KAZN: variants seen among roughly 807,000 people sequenced by gnomAD.
KAZN encodes the protein kazrin.
A neutral mutation model predicts 87.4 loss-of-function variants in KAZN; 40 were observed. That is an observed-to-expected ratio of 0.46 (90% CI 0.36 to 0.60). KAZN has a LOEUF of 0.60. Ranked by LOEUF, KAZN falls within the 20% of genes least tolerant of loss-of-function variation. The probability of loss-of-function intolerance (pLI) is 0.00; values close to 1 mark genes in which losing one functional copy is unlikely to be tolerated. For missense variants in KAZN, 898 were observed against 1,073.9 expected, an observed-to-expected ratio of 0.84 and a Z score of 2.29; for synonymous variants, 466 against 458.3, an observed-to-expected ratio of 1.02 and a Z score of -0.22.
intron 1 of KAZN, among the ~76,000 whole-genome samples, chr1:14,884,722 C>T (rs1653845483): frequency 6.6e-6 from 1 of 152,208 alleles, no homozygotes; most frequent in South Asian, 2.1e-4. Flanking sequence ...GGGATTCTGC[C>T]TTGCTAGCAA....
chr1:14,292,925 A>G (rs758173503), intron 2 of KAZN, among the ~76,000 whole-genome samples: 13 of 152,338 alleles, frequency 8.5e-5, no homozygotes, highest in South Asian at 2.1e-4. Context: ...GAGGAATACC[A>G]CAGGCATGTA....
rs28626490 is a variant in KAZN, at chr1:15,041,347, G to C, written c.556-2642G>C. The stretch of plus-strand genomic sequence containing the variant: ...ATTTTTTTTCTTTTTTTTTTTTTTT[G>C]TTTTTTTGAGATGGAGTTTTGCTCT... On this transcript the variant is annotated intron_variant, in intron 3 of 14. Transcript: ENST00000376030. 1.7e-4 allele frequency among the ~76,000 whole-genome samples: 11 copies of C among 63,464 alleles called. No homozygotes were observed. The Admixed American group carries it at 1.9e-3, about 11-fold the overall frequency. 41.6% of individuals were successfully genotyped at this position (63,464 alleles called of 152,430 possible).
intron 2 of KAZN, among the ~76,000 whole-genome samples, chr1:14,241,583 T>A (rs186991070): frequency 1.3e-5 from 2 of 152,366 alleles, no homozygotes; most frequent in Non-Finnish European, 2.9e-5. Context: ...GCACACCTAC[T>A]GTGAGCCAGC....
At chr1:14,772,892 A>T (rs931394963) in intron 1 of KAZN, among the ~76,000 whole-genome samples, 1 of 152,074 alleles carries the variant, frequency 6.6e-6, no homozygotes, top group African/African-American at 2.4e-5. Context: ...CCACTGGGGC[A>T]CACCACATTG....
intron 1 of KAZN, among the ~76,000 whole-genome samples, chr1:14,863,396 T>C (rs988270014): frequency 1.6e-4 from 24 of 152,296 alleles, no homozygotes; most frequent in Middle Eastern, 3.4e-3. Flanking sequence ...GGGGGATGAA[T>C]GTGATTGAAC....
intron 1 of KAZN, among the ~76,000 whole-genome samples, chr1:13,901,858 G>A (rs992323219): frequency 6.6e-6 from 1 of 152,266 alleles, no homozygotes; most frequent in South Asian, 2.1e-4. Context: ...GTACGATGAA[G>A]TATGCACTAG....
chr1:14,916,386 T>G (rs1044964220), intron 1 of KAZN, among the ~76,000 whole-genome samples: 1 of 152,086 alleles, frequency 6.6e-6, no homozygotes, highest in African/African-American at 2.4e-5. Context: ...GCCAGGCTGA[T>G]CTTGACCTCG....
At chr1:14,556,806 T>C (rs1673909489) in intron 2 of KAZN, among the ~76,000 whole-genome samples, 1 of 152,224 alleles carries the variant, frequency 6.6e-6, no homozygotes, top group Non-Finnish European at 1.5e-5. Context: ...ATGGCCCGTT[T>C]GGCTCTGACA....
At chr1:14,616,329 C>G (rs996472250) in intron 1 of KAZN, among the ~76,000 whole-genome samples, 1 of 152,146 alleles carries the variant, frequency 6.6e-6, no homozygotes, top group Non-Finnish European at 1.5e-5. Context: ...CCCAGCAGAA[C>G]CTTTGTGTGC....
intron 1 of KAZN, among the ~76,000 whole-genome samples, chr1:14,801,224 G>A (rs1646006393): frequency 6.6e-6 from 1 of 152,064 alleles, no homozygotes; most frequent in Admixed American, 6.6e-5. Flanking sequence ...CAGCATCATC[G>A]TGGCTTTCTC....
intron 1 of KAZN, among the ~76,000 whole-genome samples, chr1:14,815,172 A>G (rs1377508492): frequency 1.3e-5 from 2 of 152,208 alleles, no homozygotes; most frequent in Non-Finnish European, 2.9e-5. Context: ...ATCAGGGTCT[A>G]TGTGGGTCAC....
intron 1 of KAZN, among the ~76,000 whole-genome samples, chr1:13,961,369 G>A (rs1641746515): frequency 6.6e-6 from 1 of 152,172 alleles, no homozygotes; most frequent in Non-Finnish European, 1.5e-5. Context: ...CTAGTGAGGA[G>A]AGACAGACCA....
chr1:14,120,402 A>C (rs1374061559), intron 1 of KAZN, among the ~76,000 whole-genome samples: 2 of 151,820 alleles, frequency 1.3e-5, no homozygotes, highest in Non-Finnish European at 2.9e-5. Context: ...CGATCAAATC[A>C]CCTCCCACCA....
intron 1 of KAZN, among the ~76,000 whole-genome samples, chr1:14,063,956 G>A (rs776903119): frequency 9.8e-6 from 1 of 102,280 alleles, no homozygotes; most frequent in Non-Finnish European, 2.0e-5. Flanking sequence ...CCTCTCTCTC[G>A]CCCAGGCTCG....
At position 14,257,822 on chromosome 1, in the gene KAZN, T is replaced by C. The variant is rs539179337; in HGVS notation, c.249+77230T>C. Among the ~76,000 whole-genome samples, 369 of 137,460 alleles carry C rather than the reference T, an allele frequency of 2.7e-3. 2 individuals are homozygous for C. Among genetic ancestry groups the C allele is most frequent in the African/African-American group, 8.1e-3 (300 of 36,908 alleles). 90.2% of individuals were successfully genotyped at this position (137,460 alleles called of 152,430 possible). On this transcript the variant is annotated intron_variant, in intron 2 of 16. Coordinates refer to the KAZN transcript ENST00000636203. ...GTCGGGGGAGGGGGGAGGGATAGCA[T>C]TGGGAGATATACCTAATGCTAGATG...
intron 2 of KAZN, among the ~76,000 whole-genome samples, chr1:14,454,195 G>C (rs1163810814): frequency 6.6e-6 from 1 of 152,204 alleles, no homozygotes; most frequent in African/African-American, 2.4e-5. Context: ...GGCATGGAAA[G>C]AGAGGGGTTT....
intron 2 of KAZN, among the ~76,000 whole-genome samples, chr1:14,245,782 A>T (rs1221214136): frequency 6.6e-6 from 1 of 152,200 alleles, no homozygotes; most frequent in Non-Finnish European, 1.5e-5. Flanking sequence ...TTGATAGATT[A>T]AAAAATATGG....
intron 2 of KAZN, among the ~76,000 whole-genome samples, chr1:14,240,026 G>A (rs1381564461): frequency 2.6e-5 from 4 of 152,126 alleles, no homozygotes; most frequent in East Asian, 1.9e-4. Flanking sequence ...GGATGTCTAC[G>A]GAGATTTGGG....
intron 1 of KAZN, among the ~76,000 whole-genome samples, chr1:14,716,988 GCCTTCTCCTCCAGCCCTGC>G (rs1169380212): frequency 6.6e-6 from 1 of 151,530 alleles, no homozygotes; most frequent in Non-Finnish European, 1.5e-5. Context: ...CCTCTGGAAT[GCCTTCTCCTCCAGCCCTGC>G]CCTTCAAGGC....
Sources: allele counts gnomAD v4.1 joint callset (sites outside exome capture counted in the v4.1 genomes callset), GRCh38; gene constraint gnomAD v4.1.1; transcripts MANE v1.5; gene names NCBI Gene and HGNC (gene_info 2026-07-23, HGNC 2026-07-21).